The following DSE variants were observed in gnomAD, a reference collection of about 807,000 sequenced individuals.
DSE encodes dermatan sulfate epimerase.
Under a neutral mutation model 84.4 loss-of-function variants are expected in DSE, and 36 were observed. The observed-to-expected ratio is 0.43, with a 90% CI of 0.33 to 0.56. The LOEUF (loss-of-function observed/expected upper bound fraction) is 0.56, where lower values mean the gene tolerates loss of function less well. Among genes scored for constraint, DSE ranks in the 20% least tolerant of loss-of-function variants. The pLI is 0.06. For missense variants in DSE, 862 were observed against 1,169.6 expected (o/e 0.74, Z 3.84); for synonymous variants, 410 against 430.1 (o/e 0.95, Z 0.58).
At chr6:116,426,087 T>C (rs1193739460) in intron 2 of DSE, among the ~76,000 whole-genome samples, 5 of 152,138 alleles carry the variant, frequency 3.3e-5, no homozygotes, top group Non-Finnish European at 7.3e-5. Context: ...GATCATGGAT[T>C]ATGGACCACA....
In DSE at chr6:116,436,255, A is replaced by G; in HGVS notation, c.1787A>G (p.Glu596Gly). Residue 596 changes from glutamate to glycine, a missense_variant, in exon 6 of 6, where the codon GAG becomes GGG. This residue lies in a region of DSE where 186 missense variants were observed against 255.1 expected (regional missense o/e 0.73). Transcript: ENST00000644252. ...FFHNVDVPFE[E>G]TVVDGVHGAF... ...CATAATGTGGATGTTCCTTTTGAGG[A>G]GACTGTGGTAGATGGTGTCCATGGG... 1 of 1,614,090 alleles carries G rather than the reference A, an allele frequency of 6.2e-7. No homozygotes were observed. The highest frequency in any genetic ancestry group is 8.5e-7 in the Non-Finnish European group (1 of 1,180,016).
At chr6:116,433,813 A>G (rs1019606697) in intron 5 of DSE, among the ~76,000 whole-genome samples, 4 of 152,160 alleles carry the variant, frequency 2.6e-5, no homozygotes, top group Admixed American at 2.6e-4. Context: ...CATAGTACCT[A>G]ATAGGTAGTG....
chr6:116,395,207 C>T (rs1781165002), intron 1 of DSE, among the ~76,000 whole-genome samples: 3 of 150,534 alleles, frequency 2.0e-5, no homozygotes, highest in Admixed American at 1.3e-4. Context: ...GGGTGGATCA[C>T]GAGGTCAAGA....
intron 2 of DSE, among the ~76,000 whole-genome samples, chr6:116,299,751 G>A (rs534768395): frequency 1.3e-5 from 2 of 151,826 alleles, no homozygotes; most frequent in African/African-American, 4.8e-5. Flanking sequence ...TCACCTAAGA[G>A]GCCAAGATAA....
chr6:116,264,519 T>C (rs979858847), intron 2 of DSE, among the ~76,000 whole-genome samples: 8 of 152,160 alleles, frequency 5.3e-5, no homozygotes, highest in African/African-American at 1.9e-4. Flanking sequence ...GGATTGGGTT[T>C]CAATGTACTC....
At chr6:116,352,467 C>G (rs1156665259) in intron 2 of DSE, among the ~76,000 whole-genome samples, 1 of 152,126 alleles carries the variant, frequency 6.6e-6, no homozygotes, top group East Asian at 1.9e-4. Flanking sequence ...GGTTATTGAT[C>G]CTAATTTCTA....
intron 2 of DSE, among the ~76,000 whole-genome samples, chr6:116,265,223 G>T (rs1226409495): frequency 6.6e-6 from 1 of 152,134 alleles, no homozygotes; most frequent in African/African-American, 2.4e-5. Flanking sequence ...CATGCTGGAG[G>T]TGGTGTTGAC....
In DSE at chr6:116,433,436, G is replaced by A. The variant is rs371480627; in HGVS notation, c.1004G>A (p.Arg335His). Residue 335 changes from arginine (R) to histidine (H), a missense_variant, in exon 5 of 6, where the codon CGT (arginine) becomes CAT (histidine). This residue lies in a region of DSE where 309 missense variants were observed against 516.9 expected (regional missense o/e 0.60). Coordinates refer to ENST00000644252, the MANE Select transcript of DSE (RefSeq NM_013352.4). ...GTGTTCCTTGATAAATTTGTCATGCGTAATGGCAGTGGTAACTGGCTAGCT... is the reference window on the plus strand; with the variant it reads ...GTGTTCCTTGATAAATTTGTCATGCATAATGGCAGTGGTAACTGGCTAGCT... ...QLVFLDKFVM[R>H]NGSGNWLADQ... 1.6e-4 allele frequency: 256 copies of A among 1,551,972 alleles called. No homozygotes were observed. The highest frequency in any genetic ancestry group is 4.4e-4 in the East Asian group (18 of 40,978).
At chr6:116,395,012 T>C (rs181830450) in intron 1 of DSE, among the ~76,000 whole-genome samples, 4 of 152,264 alleles carry the variant, frequency 2.6e-5, no homozygotes, top group African/African-American at 9.6e-5. Flanking sequence ...CACAATGAAG[T>C]AGGGGGTGAA....
At chr6:116,373,642 G>A (rs1178333250) in intron 1 of DSE, among the ~76,000 whole-genome samples, 4 of 152,184 alleles carry the variant, frequency 2.6e-5, no homozygotes, top group Non-Finnish European at 5.9e-5. Context: ...TGGGCTGTCC[G>A]GTTCAATATC....
chr6:116,355,435 A>AT (rs1778520999), intron 2 of DSE, among the ~76,000 whole-genome samples: 2 of 152,180 alleles, frequency 1.3e-5, no homozygotes, highest in South Asian at 4.1e-4. Context: ...TTCTACTCCA[A>AT]TTAGGCCACA....
At chr6:116,263,789 G>T (rs1197859116) in intron 2 of DSE, among the ~76,000 whole-genome samples, 1 of 152,196 alleles carries the variant, frequency 6.6e-6, no homozygotes, top group Non-Finnish European at 1.5e-5. Flanking sequence ...CTCTTGTAAA[G>T]CAGATCAGGT....
At chr6:116,395,069 C>A (rs1237019157) in intron 1 of DSE, among the ~76,000 whole-genome samples, 1 of 152,228 alleles carries the variant, frequency 6.6e-6, no homozygotes, top group Non-Finnish European at 1.5e-5. Context: ...AGACTTATTT[C>A]TCCAGGACAG....
chr6:116,349,552 C>G (rs1562246801), intron 2 of DSE, among the ~76,000 whole-genome samples: 1 of 152,214 alleles, frequency 6.6e-6, no homozygotes, highest in African/African-American at 2.4e-5. Context: ...ACTACAGCCT[C>G]AGACTAGTAG....
At chr6:116,338,999 C>A (rs192390420) in intron 2 of DSE, among the ~76,000 whole-genome samples, 1 of 152,168 alleles carries the variant, frequency 6.6e-6, no homozygotes, top group Non-Finnish European at 1.5e-5. Context: ...TTGTCTCATG[C>A]GCCCTGTGCT....
chr6:116,266,747 TCTTA>T lies in DSE; in HGVS notation c.-54+7784_-54+7787del, dbSNP rs536276470. 6.4e-4 allele frequency among the ~76,000 whole-genome samples: 98 copies of T among 152,104 alleles called. 4 individuals are homozygous for T. The South Asian group carries it at 0.015, about 24-fold the overall frequency. ...AATTGAAAGTTATTTTCTTTCTTTT[TCTTA>T]CTTTCTTTCTTAGTGTTAACTAATG... On this transcript the variant is annotated intron_variant, in intron 2 of 3. Coordinates refer to the DSE transcript ENST00000430252.
At chr6:116,317,018 T>C (rs367839586) in intron 2 of DSE, among the ~76,000 whole-genome samples, 2 of 152,078 alleles carry the variant, frequency 1.3e-5, no homozygotes, top group African/African-American at 4.8e-5. Flanking sequence ...AAAAAAAATG[T>C]GAAGGGATCC....
intron 2 of DSE, among the ~76,000 whole-genome samples, chr6:116,312,871 T>C (rs548602869): frequency 1.3e-5 from 2 of 152,278 alleles, no homozygotes; most frequent in African/African-American, 4.8e-5. Flanking sequence ...TACATATAAG[T>C]AAATGTAATT....
Position 116,370,974 on chromosome 6 carries a change from G to A in DSE, c.-201G>A, listed in dbSNP as rs887003974. Reference sequence around the variant, plus strand: ...TAGCGTCGCCCGAGGCTGCAGCAGCGCATCCCGGGGCATGGCGCGGCGGGG... The same window carrying A: ...TAGCGTCGCCCGAGGCTGCAGCAGCACATCCCGGGGCATGGCGCGGCGGGG... On this transcript the variant is annotated 5_prime_UTR_variant, in exon 1 of 6. Coordinates refer to ENST00000644252, the MANE Select transcript of DSE (RefSeq NM_013352.4). 7 of 985,328 alleles carry A rather than the reference G, an allele frequency of 7.1e-6. 1 individual carries two copies. The highest frequency in any genetic ancestry group is 9.4e-5 in the South Asian group (2 of 21,300). The allele number at this position is 985,328 out of a possible 1,614,324, so 61.0% of individuals were successfully genotyped here.
Sources: allele counts gnomAD v4.1 joint callset (sites outside exome capture counted in the v4.1 genomes callset), GRCh38; gene constraint gnomAD v4.1.1; regional missense constraint gnomAD v4.1.1; transcripts MANE v1.5; gene names NCBI Gene and HGNC (gene_info 2026-07-23, HGNC 2026-07-21).